The following SPINDOC variants were observed in gnomAD, a reference collection of about 807,000 sequenced individuals.
SPINDOC encodes spindlin interactor and repressor of chromatin-binding protein.
A neutral mutation model predicts 30.7 loss-of-function variants in SPINDOC; 13 were observed. That is an observed-to-expected ratio of 0.42 (90% CI 0.28 to 0.67). The LOEUF is 0.67. Among genes scored for constraint, SPINDOC ranks in the 30% least tolerant of loss-of-function variants. The pLI is 0.22. For missense variants in SPINDOC, 438 were observed against 518.0 expected (o/e 0.85, Z 1.50); for synonymous variants, 228 against 211.4 (o/e 1.08, Z -0.68).
chr11:63,813,791 G>A lies in SPINDOC; in HGVS notation c.105G>A (p.Pro35=). ...EEEAMVVAVI[P]RPEPMLRVTQ... ...AGGCCATGGTGGTGGCCGTAATTCC[G>A]CGGCCCGAGCCGATGCTCAGAGGTG... is the stretch of plus-strand genomic sequence containing the variant. Residue 35 remains proline (P), a synonymous_variant, in exon 1 of 6, where the codon CCG becomes CCA. Coordinates refer to ENST00000294244, the MANE Select transcript of SPINDOC (RefSeq NM_138471.3). The A allele has an allele frequency of 1.3e-6, 2 of 1,581,994 alleles. No individual in the cohort carries two copies. The highest frequency in any genetic ancestry group is 8.6e-7 in the Non-Finnish European group (1 of 1,165,208).
In SPINDOC at chr11:63,817,877, C is replaced by T. The variant is rs750643253; in HGVS notation, c.200C>T (p.Pro67Leu). ...GCAGGCAGTGATGGCTGTGAGGAGC[C>T]GAAGCAGCAGGTGTCTTGGGAGCAG... ...LEAGSDGCEEPKQQVSWEQEF... is the reference protein window; with the variant it reads ...LEAGSDGCEELKQQVSWEQEF... The change falls in exon 2 of 6, where the codon CCG becomes CTG. Residue 67 changes from proline to leucine, a missense_variant. Physicochemically the swap from Pro to Leu is moderately conservative, Grantham distance 98. This residue lies in a region of SPINDOC where 129 missense variants were observed against 152.7 expected (regional missense o/e 0.84). Transcript: ENST00000294244. 5 of 1,612,134 alleles carry T rather than the reference C, an allele frequency of 3.1e-6. No homozygotes were observed. The highest frequency in any genetic ancestry group is 1.3e-5 in the African/African-American group (1 of 74,860).
At chr11:63,816,431 A>G (rs951677709) in intron 1 of SPINDOC, among the ~76,000 whole-genome samples, 1 of 152,146 alleles carries the variant, frequency 6.6e-6, no homozygotes, top group Non-Finnish European at 1.5e-5. Flanking sequence ...TTGGAAGACT[A>G]GTAGGGAAGA....
chr11:63,814,159 C>T (rs1590927179), intron 1 of SPINDOC, among the ~76,000 whole-genome samples: 1 of 152,168 alleles, frequency 6.6e-6, no homozygotes, highest in Admixed American at 6.5e-5. Flanking sequence ...TGGTTGCGGC[C>T]GCCGTCTCAC....
chr11:63,817,030 A>G (rs1437145077), intron 1 of SPINDOC, among the ~76,000 whole-genome samples: 1 of 151,988 alleles, frequency 6.6e-6, no homozygotes, highest in African/African-American at 2.4e-5. Flanking sequence ...TTTGTTAATT[A>G]GCTGGGTGTG....
chr11:63,822,231 T>TAAGACTAAGAGGGTAGGCA (rs1281327034), intron 5 of SPINDOC, among the ~76,000 whole-genome samples: 1 of 151,806 alleles, frequency 6.6e-6, no homozygotes, highest in African/African-American at 2.4e-5. Flanking sequence ...TAGTCCCTAC[T>TAAGACTAAGAGGGTAGGCA]AAGACTAGAG....
At chr11:63,820,244 A>T (rs2015473243) in intron 5 of SPINDOC, among the ~76,000 whole-genome samples, 1 of 151,804 alleles carries the variant, frequency 6.6e-6, no homozygotes, top group South Asian at 2.1e-4. Flanking sequence ...CTAAAAATAT[A>T]AAAATTAGCC....
chr11:63,821,594 A>G (rs533104201), intron 5 of SPINDOC, among the ~76,000 whole-genome samples: 18 of 152,192 alleles, frequency 1.2e-4, no homozygotes, highest in Non-Finnish European at 1.9e-4. Context: ...CATAGTTTAC[A>G]GGCGCTCAGG....
At position 63,818,241 on chromosome 11, in the gene SPINDOC, C is replaced by T. The variant is rs545881076; in HGVS notation, c.483C>T (p.Asp161=). 4 of 1,613,986 alleles carry T rather than the reference C, an allele frequency of 2.5e-6. No homozygotes were observed. The highest frequency in any genetic ancestry group is 1.7e-5 in the Admixed American group (1 of 59,998). Residue 161 remains aspartate, a synonymous_variant, in exon 3 of 6, where the codon GAC becomes GAT. Coordinates refer to ENST00000294244, the MANE Select transcript of SPINDOC (RefSeq NM_138471.3). This position sits in a 1 kb window ranked among gnomAD's most constrained non-coding sequence, Gnocchi z 5.3. ...ACTCGGGCCAGGATGCCCACCCAGA[C>T]CCAGACGCCAACCCAGACGCTGCCA... The part of the protein sequence containing the change: ...NSDSGQDAHP[D]PDANPDAARM...
At chr11:63,817,554 T>C (rs1050200971) in intron 1 of SPINDOC, among the ~76,000 whole-genome samples, 1 of 152,024 alleles carries the variant, frequency 6.6e-6, no homozygotes, top group South Asian at 2.1e-4. Flanking sequence ...TGGGAAAGTA[T>C]GTGTAGTTAG....
chr11:63,827,167 G>C lies in SPINDOC; in HGVS notation c.*28G>C. 1 of 1,595,232 alleles carries C rather than the reference G, an allele frequency of 6.3e-7. No homozygotes were observed. Among genetic ancestry groups the C allele is most frequent in the Non-Finnish European group, 8.6e-7 (1 of 1,168,450 alleles). On this transcript the variant is annotated 3_prime_UTR_variant, in exon 6 of 6. Coordinates refer to ENST00000294244, the MANE Select transcript of SPINDOC (RefSeq NM_138471.3). ...TCTTGCTTTCCTGGGGAGGGAGGGA[G>C]GGATGAGGCAGCGTCCCCCAGTGGC...
At chr11:63,819,624 G>A (rs2135146281) in intron 5 of SPINDOC, among the ~76,000 whole-genome samples, 1 of 152,000 alleles carries the variant, frequency 6.6e-6, no homozygotes, top group East Asian at 1.9e-4. Context: ...ACCCTCCTGA[G>A]TAGCTGGGAT....
At chr11:63,826,255 G>A (rs561197378) in intron 5 of SPINDOC, among the ~76,000 whole-genome samples, 2 of 152,248 alleles carry the variant, frequency 1.3e-5, no homozygotes, top group South Asian at 4.1e-4. Context: ...CGTAACCTTT[G>A]CACACGTCCC....
intron 5 of SPINDOC, among the ~76,000 whole-genome samples, chr11:63,826,389 G>A (rs1197915310): frequency 6.6e-6 from 1 of 152,166 alleles, no homozygotes; most frequent in Non-Finnish European, 1.5e-5. Context: ...GTGGACACCT[G>A]GTCTTGGTGA....
At chr11:63,815,892 C>T (rs147957845) in intron 1 of SPINDOC, among the ~76,000 whole-genome samples, 4 of 152,190 alleles carry the variant, frequency 2.6e-5, no homozygotes, top group South Asian at 2.1e-4. Context: ...CTCAACCTCC[C>T]GAGTAACTGG....
intron 5 of SPINDOC, among the ~76,000 whole-genome samples, chr11:63,819,338 G>A (rs531326621): frequency 6.6e-6 from 1 of 152,304 alleles, no homozygotes; most frequent in African/African-American, 2.4e-5. Context: ...ACCCTCCCTA[G>A]TAGCTGGGAT....
At chr11:63,814,713 C>T (rs986616441) in intron 1 of SPINDOC, among the ~76,000 whole-genome samples, 54 of 152,314 alleles carry the variant, frequency 3.5e-4, no homozygotes, top group Admixed American at 3.1e-3. Flanking sequence ...GCCTGCACTG[C>T]CTGTCATCCT....
At chr11:63,822,564 C>A (rs552914991) in intron 5 of SPINDOC, 2 of 1,271,768 alleles carry the variant, frequency 1.6e-6, no homozygotes, top group African/African-American at 3.1e-5. Context: ...AAATTTGAGC[C>A]CCCCGTTTTC....
At chr11:63,813,890 CGG>C in intron 1 of SPINDOC, 77 bp downstream of exon 1, 1 of 1,402,834 alleles carries the variant, frequency 7.1e-7, no homozygotes. Context: ...AGTCGGGGTC[CGG>C]GACCCGGGCA....
intron 5 of SPINDOC, among the ~76,000 whole-genome samples, chr11:63,822,356 T>TAAAAAAAAA (rs753315518): frequency 1.5e-4 from 9 of 58,774 alleles, no homozygotes; most frequent in African/African-American, 2.7e-4. Context: ...CTAGACTGTC[T>TAAAAAAAAA]AAAAAAAAAA....
Sources: gnomAD v4.1 joint callset for allele counts (sites outside exome capture counted in the v4.1 genomes callset) on GRCh38, gnomAD v4.1.1 for gene constraint, gnomAD v4.1.1 regional missense constraint, Gnocchi (gnomAD v3.1) non-coding constraint, MANE v1.5 for transcripts, NCBI Gene and HGNC (gene_info 2026-07-23, HGNC 2026-07-21) for gene names.